OR14I1: variants seen among roughly 807,000 people sequenced by gnomAD.
OR14I1 encodes the protein olfactory receptor family 14 subfamily I member 1.
For missense variants in OR14I1, 279 were observed against 181.8 expected, an observed-to-expected ratio of 1.53 and a Z score of -3.07; for synonymous variants, 118 against 71.1, an observed-to-expected ratio of 1.66 and a Z score of -3.32.
At chr1:248,698,249 G>T in the OR14I1 span, among the ~76,000 whole-genome samples, 3 of 152,118 alleles carry the variant, frequency 2.0e-5, no homozygotes, top group Non-Finnish European at 2.9e-5. Context: ...GCAATCACTC[G>T]ATTGCTATTG....
the OR14I1 span, chr1:248,697,065 G>A: frequency 1.3e-5 from 2 of 152,180 alleles, no homozygotes; most frequent in African/African-American, 4.8e-5. Context: ...ATCTAGAGGA[G>A]GAAGATGTTG....
chr1:248,689,505 A>C, the OR14I1 span, among the ~76,000 whole-genome samples: 2 of 152,214 alleles, frequency 1.3e-5, no homozygotes, highest in East Asian at 3.8e-4. Flanking sequence ...AAATTTGCAG[A>C]GTTTGAATCC....
At chr1:248,693,488 C>T in the OR14I1 span, among the ~76,000 whole-genome samples, 3 of 152,166 alleles carry the variant, frequency 2.0e-5, no homozygotes, top group African/African-American at 7.2e-5. Context: ...TATGAGCCAA[C>T]TTAGGATTTT....
At chr1:248,684,342 T>C (rs980005479), upstream of OR14I1, among the ~76,000 whole-genome samples, 4 of 152,220 alleles carry the variant, frequency 2.6e-5, no homozygotes, top group South Asian at 2.1e-4. Flanking sequence ...TCGACAAACA[T>C]GTGAAGGGAC....
chr1:248,696,132 A>G, the OR14I1 span, among the ~76,000 whole-genome samples: 1 of 152,160 alleles, frequency 6.6e-6, no homozygotes, highest in Non-Finnish European at 1.5e-5. Context: ...AGCCAGGCAA[A>G]GTGGGGAAAG....
the OR14I1 span, among the ~76,000 whole-genome samples, chr1:248,693,345 T>C: frequency 6.6e-6 from 1 of 152,054 alleles, no homozygotes; most frequent in Non-Finnish European, 1.5e-5. Flanking sequence ...CTCTCAAAGT[T>C]CTCATCTTTC....
chr1:248,696,891 C>T, the OR14I1 span: 1 of 152,232 alleles, frequency 6.6e-6, no homozygotes, highest in South Asian at 2.1e-4. Context: ...TTGAAAGTGT[C>T]ACATGAGGAA....
the OR14I1 span, chr1:248,691,831 G>A: frequency 2.0e-5 from 3 of 152,486 alleles, no homozygotes; most frequent in Non-Finnish European, 4.4e-5. Context: ...CCCACCTCAG[G>A]ACGCAGCTGC....
upstream of OR14I1, among the ~76,000 whole-genome samples, chr1:248,685,406 C>T (rs565242045): frequency 6.9e-4 from 105 of 152,166 alleles, 1 homozygote; most frequent in African/African-American, 2.3e-3. Flanking sequence ...AACCAAACAA[C>T]CAAGAATTGC....
exon 1 of OR14I1, chr1:248,682,324 T>A (rs114358287): frequency 0.01 from 7,416 of 715,516 alleles, 208 homozygotes; most frequent in African/African-American, 0.074. Flanking sequence ...AAATCTGTGA[T>A]CTGATTGTTG....
At chr1:248,692,160 C>G in the OR14I1 span, 4 of 152,514 alleles carry the variant, frequency 2.6e-5, no homozygotes, top group Admixed American at 2.0e-4. Flanking sequence ...CCACGCGTCC[C>G]TCGGTGGCGG....
upstream of OR14I1, among the ~76,000 whole-genome samples, chr1:248,683,382 C>G (rs1489276841): frequency 6.6e-6 from 1 of 152,144 alleles, no homozygotes; most frequent in Non-Finnish European, 1.5e-5. Context: ...CTCAAATATT[C>G]TCACTAAAAA....
At chr1:248,701,526 T>C in the OR14I1 span, among the ~76,000 whole-genome samples, 1 of 152,310 alleles carries the variant, frequency 6.6e-6, no homozygotes, top group East Asian at 1.9e-4. Flanking sequence ...GTAAAAACTA[T>C]AAAAACATTA....
the OR14I1 span, among the ~76,000 whole-genome samples, chr1:248,695,723 A>G: frequency 6.6e-6 from 1 of 151,968 alleles, no homozygotes; most frequent in Non-Finnish European, 1.5e-5. Flanking sequence ...CTGCCTTCCC[A>G]ACCCCTTCTC....
At position 248,681,354 on chromosome 1, in the gene OR14I1, A is replaced by G. The variant is rs200747263; in HGVS notation, c.*15T>C. 1.6e-5 allele frequency: 11 copies of G among 694,412 alleles called. No individual in the cohort carries two copies. The African/African-American group carries it at 1.6e-4, about 10-fold the overall frequency. 43.0% of individuals were successfully genotyped at this position (694,412 alleles called of 1,614,324 possible). A position where few individuals can be genotyped will look rare whatever the true frequency, so the allele number is the denominator to read the frequency against. On this transcript the variant is annotated 3_prime_UTR_variant, in exon 1 of 1. Transcript: ENST00000342623. The stretch of plus-strand genomic sequence containing the variant: ...GGTTTTGTTGCAGATCTTCTATAGT[A>G]AAGACCAGGATGTTCTACTTTTGCA...
At chr1:248,685,559 T>C (rs1210854286), upstream of OR14I1, among the ~76,000 whole-genome samples, 1 of 152,110 alleles carries the variant, frequency 6.6e-6, no homozygotes, top group East Asian at 1.9e-4. Flanking sequence ...TTCCTTGTAA[T>C]GTATTATCTA....
chr1:248,694,388 C>G, the OR14I1 span, among the ~76,000 whole-genome samples: 1 of 151,996 alleles, frequency 6.6e-6, no homozygotes, highest in Non-Finnish European at 1.5e-5. Flanking sequence ...GTATATTATC[C>G]TACCCTCTTC....
chr1:248,679,700 A>G (rs1305801660), downstream of OR14I1, among the ~76,000 whole-genome samples: 1 of 152,176 alleles, frequency 6.6e-6, no homozygotes, highest in Non-Finnish European at 1.5e-5. Context: ...GCTGGTCCTG[A>G]GTCCACCTCC....
chr1:248,696,490 C>T, the OR14I1 span, among the ~76,000 whole-genome samples: 1 of 152,194 alleles, frequency 6.6e-6, no homozygotes, highest in African/African-American at 2.4e-5. Flanking sequence ...CTTCTGTTCA[C>T]TAGGACATTA....
Sources: gnomAD v4.1 joint callset for allele counts (sites outside exome capture counted in the v4.1 genomes callset) on GRCh38, gnomAD v4.1.1 for gene constraint, MANE v1.5 for transcripts, NCBI Gene and HGNC (gene_info 2026-07-23, HGNC 2026-07-21) for gene names.